The following ITGA9 variants were observed in gnomAD, a reference collection of about 807,000 sequenced individuals.
ITGA9 encodes integrin alpha-9.
A neutral mutation model predicts 127.8 loss-of-function variants in ITGA9; 56 were observed. The observed-to-expected ratio is 0.44, with a 90% CI of 0.35 to 0.55. The LOEUF (loss-of-function observed/expected upper bound fraction) is 0.55. Ranked by LOEUF, ITGA9 falls within the 20% of genes least tolerant of loss-of-function variation. The pLI is 0.00. For missense variants in ITGA9, 1,196 were observed against 1,347.1 expected (o/e 0.89, Z 1.76); for synonymous variants, 508 against 514.5 (o/e 0.99, Z 0.17).
intron 18 of ITGA9, among the ~76,000 whole-genome samples, chr3:37,717,982 C>T (rs1239228247): frequency 2.0e-5 from 3 of 152,176 alleles, no homozygotes; most frequent in Non-Finnish European, 4.4e-5. Context: ...CCAGTTTCAG[C>T]CCCTGGTGCA....
intron 15 of ITGA9, among the ~76,000 whole-genome samples, chr3:37,565,327 C>T (rs1699534982): frequency 6.6e-6 from 1 of 152,132 alleles, no homozygotes; most frequent in African/African-American, 2.4e-5. Flanking sequence ...ACACATGCCT[C>T]CTATAGTGTT....
chr3:37,802,850 CCT>C (rs1697251243), intron 26 of ITGA9, among the ~76,000 whole-genome samples: 2 of 152,306 alleles, frequency 1.3e-5, no homozygotes, highest in East Asian at 3.9e-4. Flanking sequence ...TGCACAGTTG[CCT>C]CTCATGAGCT....
At position 37,542,482 on chromosome 3, in the gene ITGA9, G is replaced by C; in HGVS notation, c.1586G>C (p.Arg529Thr). ...AAAAAGGAGAAGGGCCAGATGCCCAGGGTCTACTTTGTGCTGCTGGGAGAG... is the reference window on the plus strand; with the variant it reads ...AAAAAGGAGAAGGGCCAGATGCCCACGGTCTACTTTGTGCTGCTGGGAGAG... ...VAKKEKGQMPRVYFVLLGETM... is the reference protein window; with the variant it reads ...VAKKEKGQMPTVYFVLLGETM... The change falls in exon 15 of 28, where the codon AGG (arginine) becomes ACG (threonine). Residue 529 changes from arginine to threonine, a missense_variant. Arg to Thr is a moderately conservative substitution (Grantham distance 71). Transcript: ENST00000264741. The C allele has an allele frequency of 6.2e-7, 1 of 1,614,106 alleles. No homozygotes were observed. The highest frequency in any genetic ancestry group is 2.2e-5 in the East Asian group (1 of 44,882).
chr3:37,689,887 C>G (rs1028809265), intron 18 of ITGA9, among the ~76,000 whole-genome samples: 1 of 152,188 alleles, frequency 6.6e-6, no homozygotes, highest in African/African-American at 2.4e-5. Context: ...AGGGACTGTT[C>G]CAGCCACAAG....
intron 15 of ITGA9, among the ~76,000 whole-genome samples, chr3:37,620,455 T>C (rs1416243620): frequency 6.6e-6 from 1 of 152,114 alleles, no homozygotes; most frequent in Non-Finnish European, 1.5e-5. Context: ...TTTTAGAGTG[T>C]CAGGAGCTCT....
At chr3:37,704,157 A>T (rs1055102805) in intron 18 of ITGA9, among the ~76,000 whole-genome samples, 12 of 152,202 alleles carry the variant, frequency 7.9e-5, no homozygotes, top group Non-Finnish European at 1.8e-4. Context: ...TTCTTATTAC[A>T]TCACGGCCAG....
In ITGA9 at chr3:37,819,600, G is replaced by A. The variant is rs187890360; in HGVS notation, c.*611G>A. ...CCCGAAGACATTTCACATCTTTATC[G>A]CCTCGATCAAGTGTGGAGTCACATG... On this transcript the variant is annotated 3_prime_UTR_variant, in exon 28 of 28. Coordinates refer to ENST00000264741, the MANE Select transcript of ITGA9 (RefSeq NM_002207.3). 6 of 153,860 alleles carry A rather than the reference G, an allele frequency of 3.9e-5. No individual in the cohort carries two copies. In the East Asian group the frequency reaches 7.7e-4, roughly 20 times the overall value. 9.5% of individuals were successfully genotyped at this position (153,860 alleles called of 1,614,324 possible).
intron 27 of ITGA9, among the ~76,000 whole-genome samples, chr3:37,813,576 G>A (rs145468256): frequency 2.4e-3 from 366 of 152,300 alleles, no homozygotes; most frequent in Non-Finnish European, 4.2e-3. Flanking sequence ...GAACTGTTGG[G>A]AATAATATTG....
intron 1 of ITGA9, among the ~76,000 whole-genome samples, chr3:37,455,683 GTTAC>G (rs951423784): frequency 9.2e-5 from 14 of 152,148 alleles, no homozygotes; most frequent in African/African-American, 2.9e-4. Flanking sequence ...ATTATTCTTT[GTTAC>G]TTAATTCAAT....
chr3:37,625,716 G>A (rs925189570), intron 15 of ITGA9, among the ~76,000 whole-genome samples: 4 of 152,106 alleles, frequency 2.6e-5, no homozygotes, highest in African/African-American at 9.7e-5. Context: ...CTGAGCTCAG[G>A]GAAGCTGCAT....
At chr3:37,667,819 G>A (rs372655810) in intron 17 of ITGA9, among the ~76,000 whole-genome samples, 1 of 152,180 alleles carries the variant, frequency 6.6e-6, no homozygotes, top group African/African-American at 2.4e-5. Context: ...GCAGAGGCAG[G>A]AGAAACACCT....
At chr3:37,636,094 ATGTGCG>A (rs1015810881) in intron 16 of ITGA9, among the ~76,000 whole-genome samples, 2 of 151,688 alleles carry the variant, frequency 1.3e-5, no homozygotes, top group African/African-American at 4.8e-5. Flanking sequence ...ATAAACATAC[ATGTGCG>A]TGTGTCTTTA....
intron 24 of ITGA9, among the ~76,000 whole-genome samples, chr3:37,778,492 C>T (rs1232712140): frequency 6.6e-6 from 1 of 151,974 alleles, no homozygotes; most frequent in East Asian, 1.9e-4. Flanking sequence ...GTAGTGGGCG[C>T]CTGTAATCCC....
intron 23 of ITGA9, among the ~76,000 whole-genome samples, chr3:37,775,084 GACAACCTAC>G (rs1192972173): frequency 6.6e-6 from 1 of 152,172 alleles, no homozygotes; most frequent in Admixed American, 6.5e-5. Context: ...AGAGTAAACA[GACAACCTAC>G]AGAATGGAAG....
At chr3:37,508,673 A>G (rs879646321) in intron 8 of ITGA9, 46 bp downstream of exon 8, 12 of 1,500,256 alleles carry the variant, frequency 8.0e-6, no homozygotes, top group African/African-American at 1.4e-5. Context: ...GAGAGATGTG[A>G]TCATGTGGGA....
At position 37,504,899 on chromosome 3, in the gene ITGA9, G is replaced by C. The variant is rs570645848; in HGVS notation, c.743-1101G>C. Among the ~76,000 whole-genome samples, 124 of 152,302 alleles carry C rather than the reference G, an allele frequency of 8.1e-4. 1 individual carries two copies. Among genetic ancestry groups the C allele is most frequent in the Middle Eastern group, 6.8e-3 (2 of 294 alleles). Reference sequence around the variant, plus strand: ...GGGTTAGAGGGTGATGACAAGTTTGGGGATTATATGGCAGCCTGTACAGGA... The same window carrying C: ...GGGTTAGAGGGTGATGACAAGTTTGCGGATTATATGGCAGCCTGTACAGGA... On this transcript the variant is annotated intron_variant, in intron 6 of 27. Coordinates refer to ENST00000264741, the MANE Select transcript of ITGA9 (RefSeq NM_002207.3).
At chr3:37,548,863 T>C (rs1699352579) in intron 15 of ITGA9, among the ~76,000 whole-genome samples, 1 of 152,216 alleles carries the variant, frequency 6.6e-6, no homozygotes, top group African/African-American at 2.4e-5. Flanking sequence ...CTTGGCAGGC[T>C]CTCCTGGTCT....
intron 18 of ITGA9, among the ~76,000 whole-genome samples, chr3:37,706,253 C>T (rs1211720003): frequency 1.3e-5 from 2 of 152,200 alleles, no homozygotes; most frequent in Admixed American, 6.5e-5. Context: ...TGCCCTCTCT[C>T]TATCTTCTCC....
intron 13 of ITGA9, among the ~76,000 whole-genome samples, chr3:37,528,993 T>C (rs1425530677): frequency 1.4e-5 from 2 of 145,078 alleles, no homozygotes; most frequent in African/African-American, 5.2e-5. Context: ...GAATTTCACA[T>C]TGGTGGGAAT....
Sources: allele counts gnomAD v4.1 joint callset (sites outside exome capture counted in the v4.1 genomes callset), GRCh38; gene constraint gnomAD v4.1.1; transcripts MANE v1.5; gene names NCBI Gene and HGNC (gene_info 2026-07-23, HGNC 2026-07-21).